PHACTR2: variants seen among roughly 807,000 people sequenced by gnomAD.
The protein encoded by PHACTR2 is chromosome 6 open reading frame 56.
PHACTR2 carries 30 observed loss-of-function variants against 76.0 expected under a neutral mutation model. That is an observed-to-expected ratio of 0.39 (90% CI 0.30 to 0.54). PHACTR2 has a LOEUF of 0.54. PHACTR2 is among the 20% of genes least tolerant of loss of function. PHACTR2 has a pLI of 0.61. For synonymous variants in PHACTR2, 292 were observed against 292.5 expected (o/e 1.00, Z 0.02); for missense variants, 696 against 781.1 (o/e 0.89, Z 1.30).
In PHACTR2 at chr6:143,568,945, A is replaced by C. The variant is rs758440216; in HGVS notation, c.217+31738A>C. On this transcript the variant is annotated intron_variant, in intron 1 of 11. Transcript: ENST00000367584. ...TTCGGATTTGACTAATCAGAGCTGC[A>C]GATGTGGTCTGACAGTTCCTCTCAT... is the stretch of plus-strand genomic sequence containing the variant. Among the ~76,000 whole-genome samples the C allele has an allele frequency of 4.6e-4, 70 of 152,240 alleles. 1 individual carries two copies. Among genetic ancestry groups the C allele is most frequent in the Non-Finnish European group, 8.8e-5 (6 of 68,044 alleles).
intron 1 of PHACTR2, among the ~76,000 whole-genome samples, chr6:143,632,276 G>T (rs1034397737): frequency 2.0e-4 from 30 of 152,102 alleles, no homozygotes; most frequent in Admixed American, 9.8e-4. Context: ...GCTTCTATTT[G>T]GGGAAGAATA....
rs758225079 is a variant in PHACTR2 at position 143,684,193 on chromosome 6, G to A, written c.46+5984G>A. ...AAATATGCAACTCCCTATTTGACAGGTCTGCTTGAAAACTTGCTGGGCATC... is the reference window on the plus strand; with the variant it reads ...AAATATGCAACTCCCTATTTGACAGATCTGCTTGAAAACTTGCTGGGCATC... On this transcript the variant is annotated intron_variant, in intron 1 of 12. Transcript: ENST00000440869. The surrounding 1 kb of genome is among the most constrained non-coding windows in gnomAD (Gnocchi z 4.3). Among the ~76,000 whole-genome samples, 26 of 152,068 alleles carry A rather than the reference G, an allele frequency of 1.7e-4. No homozygotes were observed. Among genetic ancestry groups the A allele is most frequent in the Non-Finnish European group, 3.5e-4 (24 of 68,016 alleles).
chr6:143,671,466 A>G lies in PHACTR2; in HGVS notation c.14-40550A>G, dbSNP rs987255648. On this transcript the variant is annotated intron_variant, in intron 1 of 11. Coordinates refer to the PHACTR2 transcript ENST00000305766. This position sits in a 1 kb window ranked among gnomAD's most constrained non-coding sequence, Gnocchi z 4.6. ...GTTTTTGCTTAAACATTATCTTCTC[A>G]GTGAGGACAACTGTGAACACCACAT... Among the ~76,000 whole-genome samples the G allele has an allele frequency of 6.6e-6, 1 of 152,202 alleles. No homozygotes were observed. Among genetic ancestry groups the G allele is most frequent in the Non-Finnish European group, 1.5e-5 (1 of 68,034 alleles).
At position 143,743,435 on chromosome 6, in the gene PHACTR2, A is replaced by C. The variant is rs1278110502; in HGVS notation, c.215-5550A>C. ...AGGGGAGTGGCTGGAGCAGATAAAC[A>C]AAAAAATCGCCAGACCCCTGAGTGT... On this transcript the variant is annotated intron_variant, in intron 2 of 12. Coordinates refer to ENST00000440869, the MANE Select transcript of PHACTR2 (RefSeq NM_001100164.2). The surrounding 1 kb of genome is among the most constrained non-coding windows in gnomAD (Gnocchi z 5.0). Among the ~76,000 whole-genome samples the C allele has an allele frequency of 6.6e-6, 1 of 152,206 alleles. No homozygotes were observed. The highest frequency in any genetic ancestry group is 1.5e-5 in the Non-Finnish European group (1 of 68,038).
In PHACTR2 at chr6:143,803,795, T is replaced by C. The variant is rs1056185423; in HGVS notation, c.1846-3262T>C. On this transcript the variant is annotated intron_variant, in intron 11 of 12. Transcript: ENST00000440869. This position sits in a 1 kb window ranked among gnomAD's most constrained non-coding sequence, Gnocchi z 4.7. ...ACTACTAAAACCATAATGCTATAAA[T>C]AGAATGATGTCTTTTGTTTCCAAAG... 6.6e-6 allele frequency among the ~76,000 whole-genome samples: 1 copy of C among 152,200 alleles called. No homozygotes were observed. Among genetic ancestry groups the C allele is most frequent in the Non-Finnish European group, 1.5e-5 (1 of 68,034 alleles).
chr6:143,626,722 C>T (rs1344480140), intron 1 of PHACTR2, among the ~76,000 whole-genome samples: 2 of 152,070 alleles, frequency 1.3e-5, no homozygotes, highest in Non-Finnish European at 2.9e-5. Flanking sequence ...TTCGGGAAAA[C>T]GTTGCTCTTA....
chr6:143,645,054 T>C (rs1776635212), intron 1 of PHACTR2, among the ~76,000 whole-genome samples: 1 of 148,638 alleles, frequency 6.7e-6, no homozygotes, highest in African/African-American at 2.5e-5. Context: ...TTCCCACTTA[T>C]GAGTGAGAAC....
In PHACTR2 at chr6:143,698,161, A is replaced by C. The variant is rs982798712; in HGVS notation, c.47-13855A>C. On this transcript the variant is annotated intron_variant, in intron 1 of 12. Coordinates refer to ENST00000440869, the MANE Select transcript of PHACTR2 (RefSeq NM_001100164.2). The surrounding 1 kb of genome is among the most constrained non-coding windows in gnomAD (Gnocchi z 4.3). ...ATTTTGGAATAAGCTAGTTGGTTTG[A>C]TGGTGCTCTAATTGGATTCAGAGGC... Among the ~76,000 whole-genome samples, 4 of 152,184 alleles carry C rather than the reference A, an allele frequency of 2.6e-5. No individual in the cohort carries two copies. Among genetic ancestry groups the C allele is most frequent in the African/African-American group, 9.7e-5 (4 of 41,448 alleles).
Position 143,775,256 on chromosome 6 carries a change from G to A in PHACTR2, c.1589+1041G>A, listed in dbSNP as rs951566523. The stretch of plus-strand genomic sequence containing the variant: ...AAGCACAGCCTACCAGGGAACCTCG[G>A]GGGAGGCTTAGAGGGTCTCTCTGTT... On this transcript the variant is annotated intron_variant, in intron 8 of 12. Transcript: ENST00000440869. This position sits in a 1 kb window ranked among gnomAD's most constrained non-coding sequence, Gnocchi z 4.4. Among the ~76,000 whole-genome samples the A allele has an allele frequency of 1.1e-4, 16 of 152,134 alleles. No individual in the cohort carries two copies. Among genetic ancestry groups the A allele is most frequent in the African/African-American group, 3.9e-4 (16 of 41,430 alleles).
intron 1 of PHACTR2, among the ~76,000 whole-genome samples, chr6:143,681,479 C>G (rs1562268082): frequency 2.0e-5 from 3 of 151,696 alleles, no homozygotes; most frequent in African/African-American, 7.3e-5. Context: ...TCTTTGTATA[C>G]TAGATCCAAA....
chr6:143,810,253 C>G (rs754402042), intron 12 of PHACTR2, among the ~76,000 whole-genome samples: 9 of 152,088 alleles, frequency 5.9e-5, no homozygotes, highest in Non-Finnish European at 8.8e-5. Flanking sequence ...ATTATTAAAA[C>G]AATGTTGCCT....
At chr6:143,565,779 G>A (rs1451906398) in intron 1 of PHACTR2, among the ~76,000 whole-genome samples, 2 of 152,114 alleles carry the variant, frequency 1.3e-5, no homozygotes, top group Admixed American at 6.5e-5. Flanking sequence ...GCCCCAGAAT[G>A]GAGCCTGCCA....
intron 1 of PHACTR2, among the ~76,000 whole-genome samples, chr6:143,614,312 C>A (rs1439529809): frequency 6.6e-6 from 1 of 152,212 alleles, no homozygotes. Flanking sequence ...CAGAATGCAG[C>A]ATTTCCCAAT....
At chr6:143,694,988 T>G (rs535702898) in intron 1 of PHACTR2, among the ~76,000 whole-genome samples, 2 of 152,324 alleles carry the variant, frequency 1.3e-5, no homozygotes, top group Non-Finnish European at 2.9e-5. Flanking sequence ...TTCCTTATTT[T>G]ATTGAAAAAG....
chr6:143,711,976 T>C lies in PHACTR2; in HGVS notation c.47-40T>C, dbSNP rs548102084. On this transcript the variant is annotated intron_variant, in intron 1 of 12. Coordinates refer to ENST00000440869, the MANE Select transcript of PHACTR2 (RefSeq NM_001100164.2). ...TGATGATGTGGTTTTATTACAACCTTTTTTACAACCTTTCTCTGTCTATAT... is the reference window on the plus strand; with the variant it reads ...TGATGATGTGGTTTTATTACAACCTCTTTTACAACCTTTCTCTGTCTATAT... 1.9e-5 allele frequency: 31 copies of C among 1,593,644 alleles called. 1 individual carries two copies. In the South Asian group the frequency reaches 3.3e-4, roughly 17 times the overall value.
chr6:143,629,616 T>C (rs1776325645), intron 1 of PHACTR2, among the ~76,000 whole-genome samples: 1 of 152,164 alleles, frequency 6.6e-6, no homozygotes, highest in Admixed American at 6.5e-5. Context: ...AGTATGAGTA[T>C]GCTCCACCGT....
chr6:143,706,409 A>G (rs1428594538), intron 1 of PHACTR2, among the ~76,000 whole-genome samples: 3 of 152,162 alleles, frequency 2.0e-5, no homozygotes, highest in African/African-American at 7.2e-5. Flanking sequence ...CATGTCTATA[A>G]TTCATTTACT....
rs551740247 is a variant in PHACTR2, at chr6:143,554,267, A to T, written c.217+17060A>T. ...GTGGAAGTAGCTAAACTAATTGAAG[A>T]CATTTAAAAATGTCTTTACCTCCAA... On this transcript the variant is annotated intron_variant, in intron 1 of 11. Transcript: ENST00000367584. This position sits in a 1 kb window ranked among gnomAD's most constrained non-coding sequence, Gnocchi z 5.9. 5 of 152,318 alleles carry T rather than the reference A, an allele frequency of 3.3e-5. No homozygotes were observed. Among genetic ancestry groups the T allele is most frequent in the Admixed American group, 6.5e-5 (1 of 15,300 alleles). 9.4% of individuals were successfully genotyped at this position (152,318 alleles called of 1,614,324 possible).
At chr6:143,629,578 G>T (rs929796801) in intron 1 of PHACTR2, among the ~76,000 whole-genome samples, 1 of 152,104 alleles carries the variant, frequency 6.6e-6, no homozygotes, top group African/African-American at 2.4e-5. Context: ...GTGTGAGTAG[G>T]TTGAAGATTT....
Sources: gnomAD v4.1 joint callset for allele counts (sites outside exome capture counted in the v4.1 genomes callset) on GRCh38, gnomAD v4.1.1 for gene constraint, Gnocchi (gnomAD v3.1) non-coding constraint, MANE v1.5 for transcripts, NCBI Gene and HGNC (gene_info 2026-07-23, HGNC 2026-07-21) for gene names.